The following FMN2 variants were observed in gnomAD, a reference collection of about 807,000 sequenced individuals.
The protein encoded by FMN2 is formin-2.
A neutral mutation model predicts 142.3 loss-of-function variants in FMN2; 51 were observed. The ratio of observed to expected loss-of-function variants is 0.36; its 90% CI spans 0.29 to 0.45. FMN2 has a LOEUF of 0.45. FMN2 is among the 20% of genes least tolerant of loss of function. The probability of loss-of-function intolerance (pLI) is 1.00; values close to 1 mark genes in which losing one functional copy is unlikely to be tolerated. For synonymous variants in FMN2, 882 were observed against 869.8 expected, an observed-to-expected ratio of 1.01 and a Z score of -0.25; for missense variants, 1,936 against 2,122.8, an observed-to-expected ratio of 0.91 and a Z score of 1.73.
intron 14 of FMN2, among the ~76,000 whole-genome samples, chr1:240,372,839 A>G (rs1478797691): frequency 1.3e-5 from 2 of 152,186 alleles, no homozygotes; most frequent in Non-Finnish European, 1.5e-5. Flanking sequence ...AGTGTGCAGT[A>G]GCATTATACA....
chr1:240,333,669 A>G (rs1671459232), intron 11 of FMN2, among the ~76,000 whole-genome samples: 1 of 152,132 alleles, frequency 6.6e-6, no homozygotes, highest in South Asian at 2.1e-4. Flanking sequence ...CTTTGCCCCT[A>G]AATAGCTGTG....
chr1:240,232,135 T>G (rs1053454366), intron 6 of FMN2, among the ~76,000 whole-genome samples: 4 of 152,072 alleles, frequency 2.6e-5, no homozygotes, highest in Non-Finnish European at 5.9e-5. Flanking sequence ...AATGATGCGA[T>G]CTCAGCTCAC....
chr1:240,379,847 C>G (rs1673167736), intron 14 of FMN2, among the ~76,000 whole-genome samples: 1 of 151,822 alleles, frequency 6.6e-6, no homozygotes, highest in Non-Finnish European at 1.5e-5. Flanking sequence ...ATAGATAGAC[C>G]ACTAGCTAGA....
intron 7 of FMN2, among the ~76,000 whole-genome samples, chr1:240,277,876 A>C (rs779615124): frequency 6.6e-6 from 1 of 152,072 alleles, no homozygotes; most frequent in Non-Finnish European, 1.5e-5. Flanking sequence ...ACCAGAGTGA[A>C]GGCTTTTGAA....
intron 6 of FMN2, chr1:240,245,275 A>G: frequency 3.1e-6 from 1 of 320,498 alleles, no homozygotes; most frequent in South Asian, 2.5e-5. Context: ...AAGGGGACTG[A>G]CAGGATGAAG....
At chr1:240,345,814 A>G (rs184495276) in intron 13 of FMN2, among the ~76,000 whole-genome samples, 35 of 152,238 alleles carry the variant, frequency 2.3e-4, no homozygotes, top group Admixed American at 2.2e-3. Flanking sequence ...AAAAATGTCT[A>G]TACTCTGACC....
intron 7 of FMN2, among the ~76,000 whole-genome samples, chr1:240,266,398 C>T (rs548353412): frequency 5.9e-5 from 9 of 151,910 alleles, no homozygotes; most frequent in African/African-American, 1.4e-4. Context: ...GATTGGATGA[C>T]GGTAGATGTG....
At position 240,422,834 on chromosome 1, in the gene FMN2, G is replaced by A. The variant is rs183643787; in HGVS notation, c.4911-15227G>A. Among the ~76,000 whole-genome samples the A allele has an allele frequency of 3.9e-4, 59 of 152,200 alleles. No homozygotes were observed. In the East Asian group the frequency reaches 8.9e-3, roughly 23 times the overall value. ...CTTTTCTTAGTTACTTGATCTTTGGGATCAGCATGGGTCTCAGCTTACATT... is the reference window on the plus strand; with the variant it reads ...CTTTTCTTAGTTACTTGATCTTTGGAATCAGCATGGGTCTCAGCTTACATT... On this transcript the variant is annotated intron_variant, in intron 15 of 17. Coordinates refer to ENST00000319653, the MANE Select transcript of FMN2 (RefSeq NM_020066.5).
intron 6 of FMN2, among the ~76,000 whole-genome samples, chr1:240,220,908 C>T (rs1429764142): frequency 6.6e-6 from 1 of 152,044 alleles, no homozygotes; most frequent in African/African-American, 2.4e-5. Context: ...TGATGTTCTG[C>T]TCCATGTGTC....
intron 2 of FMN2, among the ~76,000 whole-genome samples, chr1:240,167,048 G>A (rs1664508537): frequency 6.6e-6 from 1 of 152,148 alleles, no homozygotes; most frequent in Admixed American, 6.5e-5. Flanking sequence ...AACCAACTTG[G>A]GAGGCAGAAG....
chr1:240,386,214 T>C (rs1308939320), intron 14 of FMN2, among the ~76,000 whole-genome samples: 1 of 152,096 alleles, frequency 6.6e-6, no homozygotes, highest in Non-Finnish European at 1.5e-5. Context: ...ACTAAGGCAA[T>C]ATATCTTCAG....
chr1:240,273,787 G>A (rs759697982), intron 7 of FMN2, among the ~76,000 whole-genome samples: 3 of 152,088 alleles, frequency 2.0e-5, no homozygotes, highest in Non-Finnish European at 4.4e-5. Context: ...TCTGAATCAG[G>A]TGAGTTCTGT....
At chr1:240,285,620 T>C (rs1037929188) in intron 7 of FMN2, among the ~76,000 whole-genome samples, 3 of 151,666 alleles carry the variant, frequency 2.0e-5, no homozygotes, top group Non-Finnish European at 4.4e-5. Context: ...ATGGGGAACA[T>C]TAGAAGTAGG....
intron 13 of FMN2, among the ~76,000 whole-genome samples, chr1:240,342,505 A>G (rs944687332): frequency 6.6e-6 from 1 of 152,132 alleles, no homozygotes; most frequent in Non-Finnish European, 1.5e-5. Flanking sequence ...ATTCTTATTT[A>G]TAGCCCTTTT....
chr1:240,431,953 G>A (rs753000088), intron 15 of FMN2, among the ~76,000 whole-genome samples: 30 of 149,944 alleles, frequency 2.0e-4, no homozygotes, highest in Non-Finnish European at 1.2e-4. Context: ...ATCTTTTTTA[G>A]TTTTCCATAT....
chr1:240,233,644 CATT>C (rs890632031), intron 6 of FMN2, among the ~76,000 whole-genome samples: 3 of 152,142 alleles, frequency 2.0e-5, no homozygotes, highest in African/African-American at 7.2e-5. Flanking sequence ...AGGACCACCT[CATT>C]AATTAATTAG....
chr1:240,200,932 G>C (rs985534375), intron 4 of FMN2, among the ~76,000 whole-genome samples: 1 of 152,064 alleles, frequency 6.6e-6, no homozygotes, highest in Non-Finnish European at 1.5e-5. Context: ...GGCACCACAA[G>C]GCTAGCATTG....
intron 6 of FMN2, among the ~76,000 whole-genome samples, chr1:240,218,418 C>A (rs75320146): frequency 5.9e-5 from 9 of 151,350 alleles, no homozygotes; most frequent in Non-Finnish European, 1.2e-4. Flanking sequence ...AGTATAAGTG[C>A]TCTTTGGAAT....
chr1:240,225,464 G>A (rs1667266497), intron 6 of FMN2, among the ~76,000 whole-genome samples: 1 of 152,206 alleles, frequency 6.6e-6, no homozygotes, highest in Non-Finnish European at 1.5e-5. Flanking sequence ...AAGGAAAAAT[G>A]TGTGCAGGAA....
Sources: allele counts gnomAD v4.1 joint callset (sites outside exome capture counted in the v4.1 genomes callset), GRCh38; gene constraint gnomAD v4.1.1; transcripts MANE v1.5; gene names NCBI Gene and HGNC (gene_info 2026-07-23, HGNC 2026-07-21).